Variants in RAB11FIP3 observed in about 807,000 individuals in gnomAD.
RAB11FIP3 encodes the protein RAB11 family interacting protein 3.
In RAB11FIP3, 17 loss-of-function variants were observed where a neutral mutation model predicts 77.8. That is an observed-to-expected ratio of 0.22 (90% CI 0.15 to 0.33). The LOEUF is 0.33. Among genes scored for constraint, RAB11FIP3 ranks in the 10% least tolerant of loss-of-function variants. The probability of loss-of-function intolerance (pLI) is 1.00; values close to 1 mark genes in which losing one functional copy is unlikely to be tolerated. For synonymous variants in RAB11FIP3, 437 were observed against 448.2 expected, an observed-to-expected ratio of 0.98 and a Z score of 0.31; for missense variants, 1,005 against 1,011.2, an observed-to-expected ratio of 0.99 and a Z score of 0.08.
chr16:493,449 A>T (rs1163657781), intron 5 of RAB11FIP3, among the ~76,000 whole-genome samples: 1 of 152,102 alleles, frequency 6.6e-6, no homozygotes, highest in African/African-American at 2.4e-5. Context: ...GCAACAGGTG[A>T]CTTAGTCCAG....
At chr16:519,660 G>A in intron 10 of RAB11FIP3, 94 bp from the exon 11 acceptor site, 1 of 1,511,690 alleles carries the variant, frequency 6.6e-7, no homozygotes. Flanking sequence ...TTGCTGTTGG[G>A]AGACTCAGAG....
At chr16:459,506 G>A (rs1443819921) in intron 1 of RAB11FIP3, among the ~76,000 whole-genome samples, 7 of 142,678 alleles carry the variant, frequency 4.9e-5, no homozygotes, top group Non-Finnish European at 1.1e-4. Flanking sequence ...GCACAATCTT[G>A]GCTCACTGCA....
Position 471,999 on chromosome 16 carries a change from T to C in RAB11FIP3, c.903+610T>C, listed in dbSNP as rs1222150969. Among the ~76,000 whole-genome samples, 4 of 152,202 alleles carry C rather than the reference T, an allele frequency of 2.6e-5. No homozygotes were observed. The highest frequency in any genetic ancestry group is 9.6e-5 in the African/African-American group (4 of 41,460). ...AATGCATGAAGTTGAACTTGAGCCC[T>C]TGGGGGCCGCCGGGAAGGTGGAGGT... On this transcript the variant is annotated intron_variant, in intron 3 of 13. Transcript: ENST00000262305. The surrounding 1 kb of genome is among the most constrained non-coding windows in gnomAD (Gnocchi z 4.4).
chr16:431,872 T>C (rs1444108496), intron 1 of RAB11FIP3, among the ~76,000 whole-genome samples: 1 of 151,924 alleles, frequency 6.6e-6, no homozygotes, highest in Non-Finnish European at 1.5e-5. Flanking sequence ...TTCTCCTGCC[T>C]CAGCCTCCTG....
At chr16:452,299 C>G (rs1228662118) in intron 1 of RAB11FIP3, 1 of 151,450 alleles carries the variant, frequency 6.6e-6, no homozygotes, top group Non-Finnish European at 1.5e-5. Flanking sequence ...CATGCCACTG[C>G]ACTCCAGCCT....
intron 2 of RAB11FIP3, among the ~76,000 whole-genome samples, chr16:467,526 G>C (rs375918454): frequency 5.0e-4 from 68 of 135,106 alleles, no homozygotes; most frequent in African/African-American, 1.3e-3. Context: ...GTGCGGGGGC[G>C]TCAGGGAGGA....
At chr16:511,531 G>A (rs1319350876) in intron 9 of RAB11FIP3, among the ~76,000 whole-genome samples, 4 of 98,234 alleles carry the variant, frequency 4.1e-5, no homozygotes, top group Non-Finnish European at 8.0e-5. Context: ...GGCCAGGTAG[G>A]AGAAGTTCCC....
chr16:492,396 C>CGGGGAGA (rs1567392013), intron 5 of RAB11FIP3, among the ~76,000 whole-genome samples: 1 of 144,638 alleles, frequency 6.9e-6, no homozygotes, highest in African/African-American at 2.6e-5. Context: ...AGAGCCCTCC[C>CGGGGAGA]CGGGAGACCC....
chr16:426,156 G>T lies in RAB11FIP3; in HGVS notation c.150G>T (p.Pro50=), dbSNP rs1305885513. ...GAGCGCCCGTCGGCGGCCCCGACCC[G>T]CAGTCCCCGGGCCTGGATGAGCCTG... ...RLGAPVGGPD[P]QSPGLDEPAP... Residue 50 remains proline (P), a synonymous_variant, in exon 1 of 14, where the codon CCG becomes CCT. Coordinates refer to ENST00000262305, the MANE Select transcript of RAB11FIP3 (RefSeq NM_014700.4). This position sits in a 1 kb window ranked among gnomAD's most constrained non-coding sequence, Gnocchi z 5.0. 1 of 1,013,810 alleles carries T rather than the reference G, an allele frequency of 9.9e-7. No individual in the cohort carries two copies. The highest frequency in any genetic ancestry group is 1.2e-6 in the Non-Finnish European group (1 of 850,300). The allele number at this position is 1,013,810 out of a possible 1,614,324, so 62.8% of individuals were successfully genotyped here. A position where few individuals can be genotyped will look rare whatever the true frequency, so the allele number is the denominator to read the frequency against.
chr16:493,450 C>T (rs766919998), intron 5 of RAB11FIP3, among the ~76,000 whole-genome samples: 15 of 152,114 alleles, frequency 9.9e-5, no homozygotes, highest in Non-Finnish European at 2.2e-4. Flanking sequence ...CAACAGGTGA[C>T]TTAGTCCAGA....
rs1271690293 is a variant in RAB11FIP3 at position 426,603 on chromosome 16, G to A, written c.597G>A (p.Gly199=). ...ACCCCCTTCCGAGCGAGCCCGTGGG[G>A]AGTCAGGAGGACGGCCCCCGCCTCC... ...QTHPLPSEPV[G]SQEDGPRLRA... is the part of the protein sequence containing the mutation. Residue 199 remains glycine, a synonymous_variant, in exon 1 of 14, where the codon GGG becomes GGA. Coordinates refer to ENST00000262305, the MANE Select transcript of RAB11FIP3 (RefSeq NM_014700.4). The surrounding 1 kb of genome is among the most constrained non-coding windows in gnomAD (Gnocchi z 5.0). The A allele has an allele frequency of 6.3e-7, 1 of 1,597,588 alleles. No individual in the cohort carries two copies. The highest frequency in any genetic ancestry group is 8.5e-7 in the Non-Finnish European group (1 of 1,173,134).
chr16:511,783 T>C (rs1250310526), intron 9 of RAB11FIP3, among the ~76,000 whole-genome samples: 14 of 73,162 alleles, frequency 1.9e-4, no homozygotes, highest in East Asian at 4.9e-4. Flanking sequence ...GAGAGGTTCC[T>C]GACGGCCCGC....
intron 5 of RAB11FIP3, 155 bp downstream of exon 5, chr16:489,155 C>A: frequency 1.1e-6 from 1 of 910,042 alleles, no homozygotes; most frequent in Non-Finnish European, 1.6e-6. Flanking sequence ...TAAATTTATA[C>A]CTGGATTTAT....
At chr16:427,019 C>T (rs1375858757) in intron 1 of RAB11FIP3, among the ~76,000 whole-genome samples, 1 of 152,078 alleles carries the variant, frequency 6.6e-6, no homozygotes, top group Non-Finnish European at 1.5e-5. Context: ...GGACACCCCC[C>T]CAGGGGGCCT....
intron 1 of RAB11FIP3, among the ~76,000 whole-genome samples, chr16:438,319 G>A (rs7190405): frequency 0.073 from 11,036 of 151,444 alleles, 460 homozygotes; most frequent in East Asian, 0.2. Flanking sequence ...TGTTGGCCAG[G>A]CTGGTCTTGA....
intron 1 of RAB11FIP3, among the ~76,000 whole-genome samples, chr16:434,522 G>A (rs541812866): frequency 2.1e-4 from 32 of 152,136 alleles, no homozygotes; most frequent in Non-Finnish European, 4.0e-4. Context: ...GACCTCCCAG[G>A]CTCAGGTGGT....
chr16:511,051 G>A (rs1416300373), intron 9 of RAB11FIP3, among the ~76,000 whole-genome samples: 1 of 144,012 alleles, frequency 6.9e-6, no homozygotes, highest in Non-Finnish European at 1.5e-5. Flanking sequence ...GGTAGGAGAA[G>A]TTCCCCGACG....
rs2032693828 is a variant in RAB11FIP3 at position 521,634 on chromosome 16, A to C, written c.*795A>C. 1 of 152,476 alleles carries C rather than the reference A, an allele frequency of 6.6e-6. No individual in the cohort carries two copies. Among genetic ancestry groups the C allele is most frequent in the Non-Finnish European group, 1.5e-5 (1 of 68,274 alleles). The allele number at this position is 152,476 out of a possible 1,614,324, so 9.4% of individuals were successfully genotyped here. ...GCCTCCACTCCGACATCAGGACCTG[A>C]GATGACCGCTGTGTGGCGCTCTCTC... On this transcript the variant is annotated 3_prime_UTR_variant, in exon 14 of 14. Coordinates refer to ENST00000262305, the MANE Select transcript of RAB11FIP3 (RefSeq NM_014700.4).
chr16:474,945 G>A (rs1212901756), intron 3 of RAB11FIP3: 1 of 1,548,028 alleles, frequency 6.5e-7, no homozygotes, highest in Non-Finnish European at 8.7e-7. Context: ...AGCATGACAA[G>A]CAAGTAGGAA....
Sources: gnomAD v4.1 joint callset for allele counts (sites outside exome capture counted in the v4.1 genomes callset) on GRCh38, gnomAD v4.1.1 for gene constraint, Gnocchi (gnomAD v3.1) non-coding constraint, MANE v1.5 for transcripts, NCBI Gene and HGNC (gene_info 2026-07-23, HGNC 2026-07-21) for gene names.